Variants in RCC1 observed in about 807,000 individuals in gnomAD.
The protein encoded by RCC1 is regulator of chromosome condensation.
RCC1 carries 11 observed loss-of-function variants against 44.4 expected under a neutral mutation model. That is an observed-to-expected ratio of 0.25 (90% confidence interval 0.16 to 0.41). The LOEUF (loss-of-function observed/expected upper bound fraction) is 0.41, where lower values mean the gene tolerates loss of function less well. RCC1 is among the 10% of genes least tolerant of loss of function. RCC1 has a pLI of 1.00. For missense variants in RCC1, 386 were observed against 547.1 expected (o/e 0.71, Z 2.94); for synonymous variants, 213 against 216.5 (o/e 0.98, Z 0.14).
chr1:28,527,265 T>C (rs1375252480), intron 4 of RCC1: 4 of 663,536 alleles, frequency 6.0e-6, no homozygotes, highest in African/African-American at 5.3e-5. Flanking sequence ...TTTGAGACAG[T>C]GTCTGTCTCT....
intron 5 of RCC1, among the ~76,000 whole-genome samples, chr1:28,530,770 C>A (rs1323330003): frequency 1.3e-5 from 2 of 152,170 alleles, no homozygotes; most frequent in African/African-American, 4.8e-5. Flanking sequence ...GCGCACCTCC[C>A]GCAAATGCCG....
intron 4 of RCC1, among the ~76,000 whole-genome samples, chr1:28,522,756 A>G (rs1663366657): frequency 6.6e-6 from 1 of 151,888 alleles, no homozygotes; most frequent in African/African-American, 2.4e-5. Context: ...TGGAGGTTGC[A>G]GTGAGCCGTG....
chr1:28,511,410 T>C (rs375267111), intron 3 of RCC1, among the ~76,000 whole-genome samples: 2 of 144,882 alleles, frequency 1.4e-5, no homozygotes, highest in African/African-American at 5.7e-5. Context: ...TTTGTTTTTT[T>C]TTTTTTTTGA....
In RCC1 at chr1:28,538,095, C is replaced by T; in HGVS notation, c.*88C>T. 8.2e-7 allele frequency: 1 copy of T among 1,224,442 alleles called. No homozygotes were observed. The highest frequency in any genetic ancestry group is 1.1e-6 in the Non-Finnish European group (1 of 873,402). 75.8% of individuals were successfully genotyped at this position (1,224,442 alleles called of 1,614,324 possible). A position where few individuals can be genotyped will look rare whatever the true frequency, so the allele number is the denominator to read the frequency against. Reference sequence around the variant, plus strand: ...GACAGCTGCAGATGGCAGCGGGCCTCTCCCCAGCCCTGAGCACTGTGTCAG... The same window carrying T: ...GACAGCTGCAGATGGCAGCGGGCCTTTCCCCAGCCCTGAGCACTGTGTCAG... On this transcript the variant is annotated 3_prime_UTR_variant, in exon 13 of 13. Coordinates refer to ENST00000683442, the MANE Select transcript of RCC1 (RefSeq NM_001381865.2).
rs1359683942 is a variant in RCC1, at chr1:28,533,299, G to A, written c.441+949G>A. ...ATACTGGCTAACATGGTGAAACCCC[G>A]TCTCTACTAAAAATACAAAAAATTA... On this transcript the variant is annotated intron_variant, in intron 7 of 12. Coordinates refer to ENST00000683442, the MANE Select transcript of RCC1 (RefSeq NM_001381865.2). Among the ~76,000 whole-genome samples the A allele has an allele frequency of 7.9e-5, 12 of 151,498 alleles. No homozygotes were observed. In the South Asian group the frequency reaches 1.5e-3, roughly 19 times the overall value.
At chr1:28,509,156 AC>A in intron 3 of RCC1, 1 of 316,894 alleles carries the variant, frequency 3.2e-6, no homozygotes, top group Non-Finnish European at 6.2e-6. Context: ...CTGTTTTTGT[AC>A]TAAAGGCTTT....
intron 9 of RCC1, 194 bp from the exon 10 acceptor site, chr1:28,535,677 A>G (rs1434427953): frequency 1.3e-6 from 1 of 763,948 alleles, no homozygotes; most frequent in African/African-American, 1.7e-5. Context: ...CGTAAATGAT[A>G]CCCGTAATGA....
chr1:28,529,796 T>C, intron 4 of RCC1, 62 bp from the exon 5 acceptor site: 1 of 1,265,710 alleles, frequency 7.9e-7, no homozygotes, highest in South Asian at 1.2e-5. Flanking sequence ...TGATAAATAT[T>C]GTCTGATTGG....
At chr1:28,527,281 C>T in intron 4 of RCC1, 1 of 624,560 alleles carries the variant, frequency 1.6e-6, no homozygotes. Context: ...TCTCTTTCGC[C>T]CAGGCTAAAG....
At chr1:28,515,639 C>A (rs1308901358) in intron 3 of RCC1, among the ~76,000 whole-genome samples, 1 of 146,796 alleles carries the variant, frequency 6.8e-6, no homozygotes, top group African/African-American at 2.5e-5. Flanking sequence ...ATTGCTTGAA[C>A]CCAGGGGGCA....
At position 28,527,011 on chromosome 1, in the gene RCC1, C is replaced by A. The variant is rs867071528; in HGVS notation, c.-9-2847C>A. The A allele has an allele frequency of 1.1e-5, 9 of 828,688 alleles. No individual in the cohort carries two copies. The African/African-American group carries it at 1.2e-4, about 11-fold the overall frequency. The allele number at this position is 828,688 out of a possible 1,614,324, so 51.3% of individuals were successfully genotyped here. A position where few individuals can be genotyped will look rare whatever the true frequency, so the allele number is the denominator to read the frequency against. ...ACTCTCCATTGACCACGGCTGTACC[C>A]TTAAAATAGGGCGCATGCTGGGTGA... On this transcript the variant is annotated intron_variant, in intron 4 of 12. Coordinates refer to ENST00000683442, the MANE Select transcript of RCC1 (RefSeq NM_001381865.2).
chr1:28,511,199 A>T (rs1050976377), intron 3 of RCC1, among the ~76,000 whole-genome samples: 3 of 152,062 alleles, frequency 2.0e-5, no homozygotes, highest in African/African-American at 7.2e-5. Flanking sequence ...TGGGTGAGTT[A>T]CTCAGCCCCT....
chr1:28,513,751 A>G (rs1005302584), intron 3 of RCC1, among the ~76,000 whole-genome samples: 1 of 151,740 alleles, frequency 6.6e-6, no homozygotes, highest in East Asian at 1.9e-4. Context: ...TGGCTGGCTA[A>G]ATTTTGTATT....
At chr1:28,533,725 G>A (rs1332075912) in intron 7 of RCC1, among the ~76,000 whole-genome samples, 7 of 116,306 alleles carry the variant, frequency 6.0e-5, no homozygotes, top group Admixed American at 4.1e-4. Context: ...AGCCGAGATC[G>A]CGCCATTGCA....
At chr1:28,507,233 CCGATTTTTTT>C in intron 1 of RCC1, 1 of 430,930 alleles carries the variant, frequency 2.3e-6, no homozygotes, top group South Asian at 1.7e-5. Flanking sequence ...AGTCTAGAAA[CCGATTTTTTT>C]TTAACACCCC....
At chr1:28,530,676 A>G (rs1481186709) in intron 5 of RCC1, 15 of 1,404,318 alleles carry the variant, frequency 1.1e-5, no homozygotes, top group South Asian at 1.3e-5. Flanking sequence ...CGGTGGCCAC[A>G]TCCTCGGGGG....
chr1:28,535,427 C>T, intron 9 of RCC1, 47 bp downstream of exon 9: 1 of 1,608,742 alleles, frequency 6.2e-7, no homozygotes. Context: ...CAGGCCACCC[C>T]CACAGTGAAG....
intron 1 of RCC1, chr1:28,506,468 A>G: frequency 3.1e-6 from 1 of 321,704 alleles, no homozygotes; most frequent in East Asian, 9.0e-5. Flanking sequence ...TACAGGCGTG[A>G]GCCACCGCGC....
intron 1 of RCC1, 23 bp downstream of exon 1, chr1:28,506,107 G>A (rs1426846577): frequency 2.2e-6 from 1 of 455,342 alleles, no homozygotes; most frequent in South Asian, 1.5e-5. Context: ...CTTGGTAAGT[G>A]TGATCAGATG....
Sources: gnomAD v4.1 joint callset for allele counts (sites outside exome capture counted in the v4.1 genomes callset) on GRCh38, gnomAD v4.1.1 for gene constraint, MANE v1.5 for transcripts, NCBI Gene and HGNC (gene_info 2026-07-23, HGNC 2026-07-21) for gene names.